Variants in GNB1 observed in about 807,000 individuals in gnomAD.
GNB1 encodes guanine nucleotide-binding protein G(I)/G(S)/G(T) subunit beta-1.
GNB1 carries 2 observed loss-of-function variants against 42.9 expected under a neutral mutation model. The ratio of observed to expected loss-of-function variants is 0.05; its 90% CI spans 0.02 to 0.15. GNB1 has a LOEUF of 0.15. GNB1 is among the 10% of genes least tolerant of loss of function. The pLI is 1.00. For synonymous variants in GNB1, 183 were observed against 174.7 expected, an observed-to-expected ratio of 1.05 and a Z score of -0.38; for missense variants, 193 against 462.2, an observed-to-expected ratio of 0.42 and a Z score of 5.34.
At chr1:1,830,822 A>T (rs974272699) in intron 2 of GNB1, among the ~76,000 whole-genome samples, 4 of 151,566 alleles carry the variant, frequency 2.6e-5, no homozygotes, top group African/African-American at 4.9e-5. Flanking sequence ...GCTAGACTCT[A>T]ATCTATTGCA....
Position 1,825,020 on chromosome 1 carries a change from C to T in GNB1, c.57+377G>A, listed in dbSNP as rs78506386. 7.3e-3 allele frequency: 1,295 copies of T among 176,364 alleles called. 23 individuals are homozygous for T. Among genetic ancestry groups the T allele is most frequent in the African/African-American group, 0.029 (1,242 of 42,238 alleles). The allele number at this position is 176,364 out of a possible 1,614,324, so 10.9% of individuals were successfully genotyped here. ...AATACTTTTTTTATTGTTGTTAATA[C>T]TCTTACTTTTAAGCAAGTTTTCTGC... On this transcript the variant is annotated intron_variant, in intron 3 of 11. Coordinates refer to ENST00000378609, the MANE Select transcript of GNB1 (RefSeq NM_002074.5).
chr1:1,825,421 G>T lies in GNB1; in HGVS notation c.33C>A (p.Ala11=). 1 of 1,612,668 alleles carries T rather than the reference G, an allele frequency of 6.2e-7. No homozygotes were observed. Among genetic ancestry groups the T allele is most frequent in the Non-Finnish European group, 8.5e-7 (1 of 1,178,706 alleles). The change falls in exon 3 of 12, where the codon GCC becomes GCA. Residue 11 remains alanine (A), a synonymous_variant. Transcript: ENST00000378609. MSELDQLRQE[A]EQLKNQIRDA... ...CTCGAATCTGGTTCTTAAGTTGCTC[G>T]GCCTCCTGCCGTAACTGGTCAAGCT...
At chr1:1,826,887 T>C (rs925153170) in intron 2 of GNB1, among the ~76,000 whole-genome samples, 3 of 152,228 alleles carry the variant, frequency 2.0e-5, no homozygotes, top group African/African-American at 7.2e-5. Context: ...TGTTAATGTA[T>C]GACTGAAGAT....
intron 1 of GNB1, among the ~76,000 whole-genome samples, chr1:1,845,824 TA>T (rs1647621915): frequency 6.4e-5 from 9 of 140,360 alleles, no homozygotes; most frequent in African/African-American, 2.4e-4. Context: ...TGTAAGTCCA[TA>T]CACACACACA....
chr1:1,791,436 A>C (rs1242969715), intron 8 of GNB1, among the ~76,000 whole-genome samples: 4 of 152,142 alleles, frequency 2.6e-5, no homozygotes, highest in African/African-American at 9.7e-5. Context: ...CGGCCTCCCA[A>C]AGTGCTGGGA....
intron 7 of GNB1, among the ~76,000 whole-genome samples, chr1:1,796,870 A>T (rs1203854448): frequency 6.6e-6 from 1 of 152,158 alleles, no homozygotes; most frequent in Non-Finnish European, 1.5e-5. Flanking sequence ...CAAGGCTGTT[A>T]AAGTCCAGGA....
In GNB1 at chr1:1,806,523, G is replaced by A. The variant is rs1460823684; in HGVS notation, c.219C>T (p.Ala73=). Residue 73 remains alanine (A), a synonymous_variant, in exon 6 of 12, where the codon GCC becomes GCT. Coordinates refer to ENST00000378609, the MANE Select transcript of GNB1 (RefSeq NM_002074.5). ...WGTDSRLLVS[A]SQDGKLIIWD... ...AGATGATAAGTTTACCATCCTGCGAGGCACTGACGAGAAGCCTGGAGGGAC... is the reference window on the plus strand; with the variant it reads ...AGATGATAAGTTTACCATCCTGCGAAGCACTGACGAGAAGCCTGGAGGGAC... 4 of 1,609,466 alleles carry A rather than the reference G, an allele frequency of 2.5e-6. No individual in the cohort carries two copies. The highest frequency in any genetic ancestry group is 2.7e-5 in the African/African-American group (2 of 74,850).
At chr1:1,889,217 C>G (rs927548050) in intron 1 of GNB1, among the ~76,000 whole-genome samples, 3 of 152,172 alleles carry the variant, frequency 2.0e-5, no homozygotes, top group Admixed American at 1.3e-4. Context: ...AAAACTAATA[C>G]GTCCATTTGC....
At chr1:1,877,357 A>C (rs993274345) in intron 1 of GNB1, among the ~76,000 whole-genome samples, 7 of 150,798 alleles carry the variant, frequency 4.6e-5, no homozygotes, top group Non-Finnish European at 8.8e-5. Context: ...TGGGACCCCC[A>C]ATCCGAGGAA....
intron 1 of GNB1, among the ~76,000 whole-genome samples, chr1:1,849,173 G>T (rs1647845501): frequency 1.3e-5 from 2 of 152,232 alleles, no homozygotes; most frequent in Admixed American, 1.3e-4. Flanking sequence ...CTGGTTAGAA[G>T]CTCATTGACC....
At chr1:1,824,417 G>C (rs1646970551) in intron 3 of GNB1, among the ~76,000 whole-genome samples, 1 of 151,906 alleles carries the variant, frequency 6.6e-6, no homozygotes, top group Admixed American at 6.6e-5. Flanking sequence ...CTCCAGCCTG[G>C]GCACAACAGA....
At chr1:1,828,679 A>AT (rs1433664468) in intron 2 of GNB1, among the ~76,000 whole-genome samples, 1 of 152,234 alleles carries the variant, frequency 6.6e-6, no homozygotes, top group Admixed American at 6.5e-5. Flanking sequence ...AGAAATTATT[A>AT]TAGCACTCTG....
At chr1:1,833,689 G>A (rs1420504979) in intron 2 of GNB1, among the ~76,000 whole-genome samples, 3 of 152,188 alleles carry the variant, frequency 2.0e-5, no homozygotes, top group East Asian at 3.8e-4. Flanking sequence ...GTGTGCCAAC[G>A]AGGGCAGGGA....
intron 1 of GNB1, among the ~76,000 whole-genome samples, chr1:1,875,724 C>G (rs1479611317): frequency 6.6e-6 from 1 of 152,042 alleles, no homozygotes. Context: ...CCAACAGAGA[C>G]TTCATTTCAC....
intron 1 of GNB1, among the ~76,000 whole-genome samples, chr1:1,861,552 T>C (rs968993612): frequency 1.2e-4 from 18 of 151,868 alleles, no homozygotes; most frequent in African/African-American, 4.4e-4. Flanking sequence ...GCAAGCAGCC[T>C]TGAGAACAGA....
chr1:1,847,135 G>A (rs1326822920), intron 1 of GNB1, among the ~76,000 whole-genome samples: 1 of 152,192 alleles, frequency 6.6e-6, no homozygotes, highest in Admixed American at 6.5e-5. Flanking sequence ...CCCCAGCACT[G>A]AAGGCAGGCA....
chr1:1,810,646 G>C (rs1646763117), intron 5 of GNB1, among the ~76,000 whole-genome samples: 1 of 150,700 alleles, frequency 6.6e-6, no homozygotes, highest in Non-Finnish European at 1.5e-5. Context: ...AGTAATCATT[G>C]TGGGCCTTGC....
At chr1:1,869,007 ACCC>A (rs1649100296) in intron 1 of GNB1, among the ~76,000 whole-genome samples, 1 of 150,818 alleles carries the variant, frequency 6.6e-6, no homozygotes, top group Non-Finnish European at 1.5e-5. Context: ...ACAAGGTGAA[ACCC>A]CGTCTCTACT....
chr1:1,804,617 A>G (rs757673007), intron 6 of GNB1, 36 bp from the exon 7 acceptor site: 13 of 1,493,586 alleles, frequency 8.7e-6, no homozygotes, highest in Non-Finnish European at 9.0e-6. Context: ...AAACAACTTT[A>G]TGTTCAAAAA....
Sources: allele counts gnomAD v4.1 joint callset (sites outside exome capture counted in the v4.1 genomes callset), GRCh38; gene constraint gnomAD v4.1.1; transcripts MANE v1.5; gene names NCBI Gene and HGNC (gene_info 2026-07-23, HGNC 2026-07-21).